Variants in NLRC4 observed in about 807,000 individuals in gnomAD.
The protein encoded by NLRC4 is NLR family CARD domain-containing protein 4.
NLRC4 carries 63 observed loss-of-function variants against 79.9 expected under a neutral mutation model. The observed-to-expected ratio is 0.79, with a 90% CI of 0.64 to 0.97. The LOEUF is 0.97. Among genes scored for constraint, NLRC4 ranks in the 50% least tolerant of loss-of-function variants. The pLI, the probability that NLRC4 is intolerant of heterozygous loss-of-function variation, is 0.00. For missense variants in NLRC4, 1,074 were observed against 1,215.2 expected (o/e 0.88, Z 1.73); for synonymous variants, 461 against 456.5 (o/e 1.01, Z -0.12).
intron 5 of NLRC4, among the ~76,000 whole-genome samples, chr2:32,238,521 T>C (rs1310924485): frequency 6.6e-6 from 1 of 152,246 alleles, no homozygotes; most frequent in South Asian, 2.1e-4. Flanking sequence ...ATATGGAGGT[T>C]ATTCTCTTAG....
intron 4 of NLRC4, among the ~76,000 whole-genome samples, chr2:32,241,404 T>C (rs1437193953): frequency 1.6e-5 from 2 of 121,460 alleles, no homozygotes; most frequent in African/African-American, 6.6e-5. Context: ...TGAGACAGAG[T>C]CTTGCTCTGT....
chr2:32,263,375 G>T (rs1025738227), intron 1 of NLRC4, among the ~76,000 whole-genome samples: 1 of 152,194 alleles, frequency 6.6e-6, no homozygotes, highest in Admixed American at 6.5e-5. Context: ...GAAAGTAGTT[G>T]TGACAAAGAT....
chr2:32,238,085 A>G, intron 6 of NLRC4, 47 bp downstream of exon 6: 11 of 1,400,754 alleles, frequency 7.9e-6, no homozygotes, highest in Non-Finnish European at 9.9e-6. Flanking sequence ...ATAGTATCAC[A>G]TGTTCTGTTA....
rs747839988 is a variant in NLRC4, at chr2:32,250,306, C to T, written c.1558G>A (p.Gly520Arg). Reference sequence around the variant, plus strand: ...AGAGGCCTCTTGGCGATGGAAAGTCCGAGAAGGCAGCCGTGTTGATACACT... The same window carrying T: ...AGAGGCCTCTTGGCGATGGAAAGTCTGAGAAGGCAGCCGTGTTGATACACT... ...AAVYQHGCLL[G>R]LSIAKRPLWR... Residue 520 changes from glycine (G) to arginine (R), a missense_variant, in exon 4 of 9, where the codon GGA (glycine) becomes AGA (arginine). Physicochemically the swap from Gly to Arg is moderately radical, Grantham distance 125. Coordinates refer to ENST00000402280, the MANE Select transcript of NLRC4 (RefSeq NM_001199138.2). This position sits in a 1 kb window ranked among gnomAD's most constrained non-coding sequence, Gnocchi z 4.9. 5.6e-6 allele frequency: 9 copies of T among 1,614,124 alleles called. No individual in the cohort carries two copies. Among genetic ancestry groups the T allele is most frequent in the East Asian group, 2.2e-5 (1 of 44,888 alleles).
In NLRC4 at chr2:32,238,264, GAA is replaced by G. The variant is rs777371970; in HGVS notation, c.2387_2388del (p.Phe796SerfsTer7). On this transcript the variant is annotated frameshift_variant, in exon 6 of 9. Coordinates refer to ENST00000402280, the MANE Select transcript of NLRC4 (RefSeq NM_001199138.2). LOFTEE classifies it high-confidence loss of function. ...GLKNLKKMCL[F>X]HLTHLSDIGE... is the part of the protein sequence containing the mutation. ...CCAATGTCAGACAAGTGGGTCAAAT[GAA>G]ATAAACACATCTTCTTCAGGTTTTT... 4 of 1,611,792 alleles carry G rather than the reference GAA, an allele frequency of 2.5e-6. No homozygotes were observed. The highest frequency in any genetic ancestry group is 3.4e-6 in the Non-Finnish European group (4 of 1,179,322).
Position 32,236,350 on chromosome 2 carries a change from AAAGT to A in NLRC4, c.2522-15_2522-12del, listed in dbSNP as rs1209494763. The A allele has an allele frequency of 6.6e-7, 1 of 1,512,310 alleles. No homozygotes were observed. Among genetic ancestry groups the A allele is most frequent in the Non-Finnish European group, 9.1e-7 (1 of 1,102,718 alleles). 93.7% of individuals were successfully genotyped at this position (1,512,310 alleles called of 1,614,324 possible). A position where few individuals can be genotyped will look rare whatever the true frequency, so the allele number is the denominator to read the frequency against. On this transcript the variant is annotated splice_polypyrimidine_tract_variant and intron_variant, in intron 6 of 8. Transcript: ENST00000402280. ...TGTGAAGATTCTGAGCTGGGGAAAA[AAAGT>A]AATCCAAAATAAAAAGATTTTCAGG...
In NLRC4 at chr2:32,250,293, G is replaced by A. The variant is rs377414343; in HGVS notation, c.1571C>T (p.Ala524Val). 1.7e-5 allele frequency: 28 copies of A among 1,614,050 alleles called. No homozygotes were observed. Among genetic ancestry groups the A allele is most frequent in the Non-Finnish European group, 2.4e-5 (28 of 1,180,046 alleles). Residue 524 changes from alanine to valine, a missense_variant, in exon 4 of 9, where the codon GCC (alanine) becomes GTC (valine). Physicochemically the swap from Ala to Val is moderately conservative, Grantham distance 64. Transcript: ENST00000402280. This position sits in a 1 kb window ranked among gnomAD's most constrained non-coding sequence, Gnocchi z 4.9. ...QHGCLLGLSIAKRPLWRQESL... is the reference protein window; with the variant it reads ...QHGCLLGLSIVKRPLWRQESL... ...TTCCTGTCTCCAGAGAGGCCTCTTG[G>A]CGATGGAAAGTCCGAGAAGGCAGCC... is the stretch of plus-strand genomic sequence containing the variant.
At chr2:32,227,326 A>C (rs1686427756) in intron 8 of NLRC4, among the ~76,000 whole-genome samples, 1 of 152,198 alleles carries the variant, frequency 6.6e-6, no homozygotes, top group Non-Finnish European at 1.5e-5. Flanking sequence ...ATCACAGCGT[A>C]GCCTATGCCC....
intron 8 of NLRC4, among the ~76,000 whole-genome samples, chr2:32,226,280 G>A (rs1686394018): frequency 6.6e-6 from 1 of 152,228 alleles, no homozygotes. Flanking sequence ...GGTGTCTGAT[G>A]TCACTGCATG....
At position 32,256,892 on chromosome 2, in the gene NLRC4, T is replaced by G; in HGVS notation, c.-117A>C. On this transcript the variant is annotated splice_region_variant and 5_prime_UTR_variant, in exon 2 of 9. The change abolishes an upstream ATG in the 5' untranslated region. Transcript: ENST00000402280. ...CTTTTTTCTGTAAAACTACTCTTCA[T>G]TCTGTAAAACAAACAAAACAGAACC... The G allele has an allele frequency of 2.9e-6, 2 of 686,672 alleles. No individual in the cohort carries two copies. The highest frequency in any genetic ancestry group is 3.2e-5 in the South Asian group (2 of 63,208). 42.5% of individuals were successfully genotyped at this position (686,672 alleles called of 1,614,324 possible).
intron 1 of NLRC4, 117 bp from the exon 2 acceptor site, chr2:32,257,010 T>A (rs571070193): frequency 2.0e-6 from 1 of 490,182 alleles, no homozygotes; most frequent in Non-Finnish European, 3.7e-6. Flanking sequence ...AGAAAAAAAC[T>A]CGCTCAAAGC....
At chr2:32,259,162 C>A (rs1278221998) in intron 1 of NLRC4, among the ~76,000 whole-genome samples, 2 of 151,542 alleles carry the variant, frequency 1.3e-5, no homozygotes, top group Non-Finnish European at 2.9e-5. Context: ...GTGGCCCCAT[C>A]ATGGCTCACG....
At chr2:32,247,354 G>A (rs866545479) in intron 4 of NLRC4, among the ~76,000 whole-genome samples, 28 of 136,948 alleles carry the variant, frequency 2.0e-4, no homozygotes, top group Middle Eastern at 3.8e-3. Flanking sequence ...CACTCTTGTT[G>A]CCCAGGCTGG....
intron 1 of NLRC4, among the ~76,000 whole-genome samples, chr2:32,264,121 A>C (rs1170762646): frequency 6.6e-6 from 1 of 152,084 alleles, no homozygotes; most frequent in Non-Finnish European, 1.5e-5. Flanking sequence ...CTGTGATTCT[A>C]ACAACAGTCT....
Position 32,252,629 on chromosome 2 carries a change from T to C in NLRC4, c.52A>G (p.Thr18Ala), listed in dbSNP as rs2148943911. 2 of 1,613,740 alleles carry C rather than the reference T, an allele frequency of 1.2e-6. No homozygotes were observed. Among genetic ancestry groups the C allele is most frequent in the East Asian group, 4.5e-5 (2 of 44,884 alleles). The change falls in exon 3 of 9, where the codon ACT becomes GCT. Residue 18 changes from threonine (T) to alanine (A), a missense_variant. Physicochemically the swap from Thr to Ala is moderately conservative, Grantham distance 58. Transcript: ENST00000402280. ...TCATCTGTGATTTGCTTTATAACAG[T>C]CATTCCCATTCTTTGAATAAGGGCT... ...SRALIQRMGM[T>A]VIKQITDDLF...
At chr2:32,235,889 C>T (rs1455815599) in intron 7 of NLRC4, among the ~76,000 whole-genome samples, 5 of 152,128 alleles carry the variant, frequency 3.3e-5, no homozygotes, top group African/African-American at 1.2e-4. Flanking sequence ...TCAGTTCTTT[C>T]CTTTTTTTTC....
intron 5 of NLRC4, among the ~76,000 whole-genome samples, chr2:32,239,279 C>T (rs938972979): frequency 3.9e-5 from 6 of 152,124 alleles, no homozygotes; most frequent in Admixed American, 6.5e-5. Context: ...AGACTCCCAT[C>T]TCAAAGAAAA....
At chr2:32,264,000 C>G (rs1013634700) in intron 1 of NLRC4, among the ~76,000 whole-genome samples, 1 of 152,084 alleles carries the variant, frequency 6.6e-6, no homozygotes, top group Non-Finnish European at 1.5e-5. Context: ...ATAGGTGTCC[C>G]GTAAAGGGTG....
At chr2:32,225,647 G>A (rs905202555) in intron 8 of NLRC4, among the ~76,000 whole-genome samples, 5 of 152,148 alleles carry the variant, frequency 3.3e-5, no homozygotes, top group South Asian at 2.1e-4. Context: ...TGTGCAAAGC[G>A]TTAGCCCTAC....
Sources: allele counts gnomAD v4.1 joint callset (sites outside exome capture counted in the v4.1 genomes callset), GRCh38; gene constraint gnomAD v4.1.1; non-coding constraint Gnocchi (gnomAD v3.1); transcripts MANE v1.5; gene names NCBI Gene and HGNC (gene_info 2026-07-23, HGNC 2026-07-21).